Variants in ITIH4 observed in about 807,000 individuals in gnomAD.
ITIH4 encodes inter-alpha-trypsin inhibitor heavy chain H4.
A neutral mutation model predicts 111.8 loss-of-function variants in ITIH4; 79 were observed. The observed-to-expected ratio is 0.71, with a 90% CI of 0.59 to 0.85. ITIH4 has a LOEUF of 0.85. ITIH4 is among the 40% of genes least tolerant of loss of function. ITIH4 has a pLI of 0.00. For missense variants in ITIH4, 1,065 were observed against 1,195.8 expected (o/e 0.89, Z 1.61); for synonymous variants, 472 against 468.3 (o/e 1.01, Z -0.10).
chr3:52,823,602 T>C lies in ITIH4; in HGVS notation c.1493A>G (p.Gln498Arg), dbSNP rs776223788. The C allele has an allele frequency of 1.9e-6, 3 of 1,613,804 alleles. No homozygotes were observed. In the Admixed American group the frequency reaches 5.0e-5, roughly 27 times the overall value. The change falls in exon 11 of 24, where the codon CAG (glutamine) becomes CGG (arginine). Residue 498 changes from glutamine to arginine, a missense_variant. Coordinates refer to ENST00000266041, the MANE Select transcript of ITIH4 (RefSeq NM_002218.5). ...TGTGAGCACATCAGGCCCCCGGTCC[T>C]GGAGCTTCCCAGCCACCACCATCTC... is the stretch of plus-strand genomic sequence containing the variant. ...GSEMVVAGKL[Q>R]DRGPDVLTAT...
intron 23 of ITIH4, 68 bp downstream of exon 23, chr3:52,813,907 C>G: frequency 7.8e-7 from 1 of 1,282,096 alleles, no homozygotes. Context: ...CCTGGAGAGC[C>G]TGGCTCCTGG....
intron 12 of ITIH4, 51 bp from the exon 13 acceptor site, chr3:52,820,836 A>AT: frequency 6.4e-7 from 1 of 1,569,564 alleles, no homozygotes; most frequent in South Asian, 1.2e-5. Context: ...TCGGGAACAG[A>AT]TTTTCCATCC....
intron 20 of ITIH4, among the ~76,000 whole-genome samples, chr3:52,817,307 G>C (rs867732581): frequency 6.6e-6 from 1 of 152,342 alleles, no homozygotes; most frequent in South Asian, 2.1e-4. Flanking sequence ...CCTCAGTTGA[G>C]GCCTTTGAGA....
chr3:52,824,742 T>A lies in ITIH4; in HGVS notation c.876+100A>T. On this transcript the variant is annotated intron_variant, in intron 7 of 23. Transcript: ENST00000266041. The surrounding 1 kb of genome is among the most constrained non-coding windows in gnomAD (Gnocchi z 4.3). ...TTCCTGAGAGCCACCCGCCCCATGG[T>A]GCCGAAAGGTGAAGCAAGGGGGTCT... 1 of 1,254,562 alleles carries A rather than the reference T, an allele frequency of 8.0e-7. No homozygotes were observed. Among genetic ancestry groups the A allele is most frequent in the South Asian group, 1.4e-5 (1 of 71,994 alleles). The allele number at this position is 1,254,562 out of a possible 1,614,324, so 77.7% of individuals were successfully genotyped here. A position where few individuals can be genotyped will look rare whatever the true frequency, so the allele number is the denominator to read the frequency against.
At chr3:52,818,730 G>A in intron 17 of ITIH4, 194 bp from the exon 18 acceptor site, 1 of 594,452 alleles carries the variant, frequency 1.7e-6, no homozygotes, top group Non-Finnish European at 3.0e-6. Context: ...CTGTGCAGCT[G>A]CATTCGAGTG....
chr3:52,826,754 T>C (rs202099399), intron 4 of ITIH4, 37 bp downstream of exon 4: 11 of 1,613,510 alleles, frequency 6.8e-6, no homozygotes, highest in South Asian at 1.1e-5. Flanking sequence ...GCAAGGGTCA[T>C]GCAGGAGGCC....
At chr3:52,823,458 A>C in intron 11 of ITIH4, 98 bp downstream of exon 11, 2 of 980,118 alleles carry the variant, frequency 2.0e-6, no homozygotes, top group Middle Eastern at 3.3e-4. Flanking sequence ...GCAGAGGGGA[A>C]AGCTGGAGCT....
intron 15 of ITIH4, 48 bp downstream of exon 15, chr3:52,819,892 T>A: frequency 6.2e-7 from 1 of 1,608,526 alleles, no homozygotes. Flanking sequence ...CAGCCAGGAC[T>A]GAGCCCAATC....
intron 17 of ITIH4, 61 bp downstream of exon 17, chr3:52,819,332 G>A (rs1700331479): frequency 1.2e-6 from 2 of 1,604,106 alleles, no homozygotes; most frequent in African/African-American, 1.3e-5. Flanking sequence ...CCCCTCTATG[G>A]GGCAGGCTCA....
intron 23 of ITIH4, among the ~76,000 whole-genome samples, 199 bp downstream of exon 23, chr3:52,813,776 C>T (rs1700228923): frequency 6.6e-6 from 1 of 152,222 alleles, no homozygotes; most frequent in African/African-American, 2.4e-5. Context: ...CATGTGTTTT[C>T]TGTGGGTCTG....
chr3:52,816,791 A>T, intron 21 of ITIH4, 93 bp downstream of exon 21: 2 of 1,210,872 alleles, frequency 1.7e-6, no homozygotes, highest in East Asian at 4.7e-5. Flanking sequence ...CTCCATTCTC[A>T]GGTCCATGGC....
chr3:52,824,980 C>T lies in ITIH4; in HGVS notation c.760-22G>A, dbSNP rs754438694. ...CGATCTGTGGCCAGAGTGAGACCCA[C>T]CCAGGCCATCAGAGCTACAATTGGC... On this transcript the variant is annotated intron_variant, in intron 6 of 23. Transcript: ENST00000266041. The surrounding 1 kb of genome is among the most constrained non-coding windows in gnomAD (Gnocchi z 4.3). The T allele has an allele frequency of 1.3e-6, 2 of 1,538,176 alleles. No individual in the cohort carries two copies. The highest frequency in any genetic ancestry group is 1.8e-6 in the Non-Finnish European group (2 of 1,119,028).
At chr3:52,827,283 T>G in intron 2 of ITIH4, 86 bp from the exon 3 acceptor site, 1 of 1,041,346 alleles carries the variant, frequency 9.6e-7, no homozygotes, top group Non-Finnish European at 1.5e-6. Flanking sequence ...CTTTCTGGAC[T>G]CGGTGTGCCT....
At chr3:52,820,077 G>A in intron 14 of ITIH4, 87 bp from the exon 15 acceptor site, 1 of 1,441,254 alleles carries the variant, frequency 6.9e-7, no homozygotes, top group Non-Finnish European at 9.7e-7. Context: ...TAGTGCTGGG[G>A]ACAGGGCCTG....
intron 22 of ITIH4, 46 bp from the exon 23 acceptor site, chr3:52,814,117 C>G: frequency 1.2e-6 from 2 of 1,608,134 alleles, no homozygotes; most frequent in Non-Finnish European, 8.5e-7. Context: ...ACAGAGGAAG[C>G]CTGGGAGACA....
Position 52,824,408 on chromosome 3 carries a change from T to C in ITIH4, c.1034A>G (p.Gln345Arg). The C allele has an allele frequency of 6.2e-7, 1 of 1,614,074 alleles. No homozygotes were observed. Among genetic ancestry groups the C allele is most frequent in the Non-Finnish European group, 8.5e-7 (1 of 1,179,994 alleles). The change falls in exon 8 of 24, where the codon CAG becomes CGG. Residue 345 changes from glutamine (Q) to arginine (R), a missense_variant. Coordinates refer to ENST00000266041, the MANE Select transcript of ITIH4 (RefSeq NM_002218.5). The surrounding 1 kb of genome is among the most constrained non-coding windows in gnomAD (Gnocchi z 4.3). The part of the protein sequence containing the change: ...NKARSFAAGI[Q>R]ALGGTNINDA... ...ACAGAGACACTTACCTCCCAGGGCC[T>C]GGATGCCCGCAGCAAAGCTCCTGGC... is the stretch of plus-strand genomic sequence containing the variant.
At chr3:52,814,828 C>G (rs1210995910) in intron 21 of ITIH4, among the ~76,000 whole-genome samples, 1 of 152,262 alleles carries the variant, frequency 6.6e-6, no homozygotes, top group East Asian at 1.9e-4. Flanking sequence ...AAGCAATCTG[C>G]CTGCCTCAGC....
chr3:52,818,079 C>A lies in ITIH4; in HGVS notation c.2269G>T (p.Val757Leu), dbSNP rs1578772624. ...TGCTCAGGGTCTGAGAGCAGGTTCA[C>A]TGGCCCCTGGCGGTGTCTGGGGTCC... is the stretch of plus-strand genomic sequence containing the variant. ...CVDPRHRQGPVNLLSDPEQGV... is the reference protein window; with the variant it reads ...CVDPRHRQGPLNLLSDPEQGV... The change falls in exon 20 of 24, where the codon GTG (valine) becomes TTG (leucine). Residue 757 changes from valine to leucine, a missense_variant. Val to Leu is a conservative substitution (Grantham distance 32). Transcript: ENST00000266041. 2 of 1,613,624 alleles carry A rather than the reference C, an allele frequency of 1.2e-6. No homozygotes were observed. The highest frequency in any genetic ancestry group is 8.5e-7 in the Non-Finnish European group (1 of 1,179,932).
In ITIH4 at chr3:52,820,988, C is replaced by G. The variant is rs1273198511; in HGVS notation, c.1679+3G>C. On this transcript the variant is annotated splice_donor_region_variant and intron_variant, in intron 12 of 23. Coordinates refer to ENST00000266041, the MANE Select transcript of ITIH4 (RefSeq NM_002218.5). ...AGGCTTAGGGAGGTGCTGATGCACT[C>G]ACGTTTGCTCCAGCAGCTGCTGGAT... The G allele has an allele frequency of 3.1e-6, 5 of 1,613,326 alleles. No individual in the cohort carries two copies. The highest frequency in any genetic ancestry group is 4.2e-6 in the Non-Finnish European group (5 of 1,179,534).
Sources: allele counts gnomAD v4.1 joint callset (sites outside exome capture counted in the v4.1 genomes callset), GRCh38; gene constraint gnomAD v4.1.1; non-coding constraint Gnocchi (gnomAD v3.1); transcripts MANE v1.5; gene names NCBI Gene and HGNC (gene_info 2026-07-23, HGNC 2026-07-21).